NLRC5: variants seen among roughly 807,000 people sequenced by gnomAD.
NLRC5 encodes the protein protein NLRC5.
NLRC5 carries 114 observed loss-of-function variants against 206.9 expected under a neutral mutation model. The ratio of observed to expected loss-of-function variants is 0.55; its 90% CI spans 0.47 to 0.64. The LOEUF (loss-of-function observed/expected upper bound fraction) is 0.64, where lower values mean the gene tolerates loss of function less well. Among genes scored for constraint, NLRC5 ranks in the 30% least tolerant of loss-of-function variants. NLRC5 has a pLI of 0.00. For missense variants in NLRC5, 2,008 were observed against 2,305.5 expected, an observed-to-expected ratio of 0.87 and a Z score of 2.64; for synonymous variants, 952 against 962.8, an observed-to-expected ratio of 0.99 and a Z score of 0.21.
rs545416762 is a variant in NLRC5, at chr16:57,080,429, G to A, written c.5322-669G>A. On this transcript the variant is annotated intron_variant, in intron 46 of 48. Transcript: ENST00000688547. ...TTTTTGTAACTACCTTCTATATGGA[G>A]TCTGTAACACAAGTTTTCCATTGAT... Among the ~76,000 whole-genome samples the A allele has an allele frequency of 2.7e-5, 4 of 150,856 alleles. No homozygotes were observed. The South Asian group carries it at 8.4e-4, about 32-fold the overall frequency.
At position 57,026,205 on chromosome 16, in the gene NLRC5, C is replaced by T. The variant is rs1404670265; in HGVS notation, c.1262C>T (p.Pro421Leu). 1 of 1,613,788 alleles carries T rather than the reference C, an allele frequency of 6.2e-7. No homozygotes were observed. Among genetic ancestry groups the T allele is most frequent in the Admixed American group, 1.7e-5 (1 of 60,032 alleles). ...VACLCLHHLL[P>L]DHAPGQSVAL... ...TGTCTCTGCCTCCACCATCTGCTTC[C>T]TGACCACGCCCCAGGCCAGTCTGTG... The change falls in exon 6 of 49, where the codon CCT becomes CTT. Residue 421 changes from proline to leucine, a missense_variant. Transcript: ENST00000688547.
At chr16:56,994,682 C>T (rs1261306146) in intron 1 of NLRC5, among the ~76,000 whole-genome samples, 2 of 151,766 alleles carry the variant, frequency 1.3e-5, no homozygotes, top group African/African-American at 4.8e-5. Context: ...TGGCAGGGAA[C>T]CATGGGCCAT....
intron 32 of NLRC5, chr16:57,061,983 A>C: frequency 6.8e-7 from 1 of 1,480,826 alleles, no homozygotes; most frequent in South Asian, 1.2e-5. Context: ...TGAGGACAAA[A>C]ATAAACTGAA....
intron 38 of NLRC5, 77 bp downstream of exon 38, chr16:57,070,695 G>C: frequency 8.0e-7 from 1 of 1,255,200 alleles, no homozygotes; most frequent in Non-Finnish European, 1.1e-6. Context: ...GAGTGGTGGG[G>C]TTGGTTAATG....
At chr16:57,072,514 T>C (rs964983300) in intron 38 of NLRC5, among the ~76,000 whole-genome samples, 1 of 152,222 alleles carries the variant, frequency 6.6e-6, no homozygotes, top group Non-Finnish European at 1.5e-5. Flanking sequence ...TGTCTACAGT[T>C]GTTTCCTTGG....
intron 1 of NLRC5, among the ~76,000 whole-genome samples, chr16:56,992,911 G>A (rs2057085807): frequency 6.6e-6 from 1 of 151,858 alleles, no homozygotes; most frequent in African/African-American, 2.4e-5. Flanking sequence ...ATTTTTCATA[G>A]CTAATACATT....
intron 14 of NLRC5, among the ~76,000 whole-genome samples, chr16:57,036,961 C>T (rs1399216516): frequency 6.6e-6 from 1 of 152,028 alleles, no homozygotes; most frequent in East Asian, 1.9e-4. Context: ...GAGGTGAAAA[C>T]ACTGAGTTCT....
chr16:57,067,630 G>C, intron 35 of NLRC5, 106 bp from the exon 36 acceptor site: 1 of 1,355,376 alleles, frequency 7.4e-7, no homozygotes, highest in Non-Finnish European at 1.0e-6. Flanking sequence ...GCTCAGGGGA[G>C]CTCTTGGGTG....
intron 1 of NLRC5, among the ~76,000 whole-genome samples, chr16:56,998,033 C>T (rs2057824795): frequency 6.6e-6 from 1 of 151,812 alleles, no homozygotes; most frequent in Admixed American, 6.6e-5. Context: ...CAGTGAGACC[C>T]AAAACCAAGG....
chr16:57,071,001 G>T (rs1234948889), intron 38 of NLRC5, among the ~76,000 whole-genome samples: 1 of 81,102 alleles, frequency 1.2e-5, no homozygotes, highest in Admixed American at 1.4e-4. Flanking sequence ...ATGGGGAAGG[G>T]TTGTGAGTGA....
chr16:57,053,545 GT>G (rs1487827718), intron 24 of NLRC5, among the ~76,000 whole-genome samples: 1 of 152,044 alleles, frequency 6.6e-6, no homozygotes, highest in Non-Finnish European at 1.5e-5. Flanking sequence ...TTTCTTTTTT[GT>G]GGGGGAGGGT....
At chr16:57,025,331 G>T (rs763395653) in intron 5 of NLRC5, 37 bp from the exon 6 acceptor site, 10 of 1,505,404 alleles carry the variant, frequency 6.6e-6, no homozygotes, top group Non-Finnish European at 8.0e-6. Context: ...GAGGGCCGGG[G>T]GGTCCTCTCC....
intron 10 of NLRC5, 60 bp from the exon 11 acceptor site, chr16:57,031,344 G>T (rs1437443697): frequency 6.4e-7 from 1 of 1,564,504 alleles, no homozygotes; most frequent in Non-Finnish European, 8.8e-7. Context: ...GTGTGCCTGT[G>T]GTGGGTGATG....
intron 46 of NLRC5, 107 bp from the exon 47 acceptor site, chr16:57,080,991 A>G: frequency 2.1e-6 from 2 of 958,408 alleles, no homozygotes; most frequent in South Asian, 3.0e-5. Context: ...TCTCTTGAAA[A>G]CCCTTGCCCC....
At chr16:56,990,502 A>G (rs1015501009) in intron 1 of NLRC5, 2 of 152,226 alleles carry the variant, frequency 1.3e-5, no homozygotes, top group Non-Finnish European at 2.9e-5. Context: ...ATTCTCACCC[A>G]GAAAGCCAGG....
intron 15 of NLRC5, among the ~76,000 whole-genome samples, 198 bp downstream of exon 15, chr16:57,037,482 A>C (rs373276990): frequency 1.3e-5 from 2 of 152,064 alleles, no homozygotes; most frequent in Admixed American, 6.5e-5. Flanking sequence ...CCTCTGGAGA[A>C]CTACCCTTGG....
chr16:57,034,103 G>C, intron 12 of NLRC5, 65 bp from the exon 13 acceptor site: 1 of 1,379,140 alleles, frequency 7.3e-7, no homozygotes, highest in Non-Finnish European at 1.0e-6. Context: ...AGCATTGGAA[G>C]CTGGAGGGGC....
At chr16:57,001,512 G>C (rs1461097751) in intron 1 of NLRC5, among the ~76,000 whole-genome samples, 2 of 152,218 alleles carry the variant, frequency 1.3e-5, no homozygotes, top group African/African-American at 4.8e-5. Context: ...CCTTACACCA[G>C]GCGTCAGGGG....
At chr16:57,047,876 A>C in intron 23 of NLRC5, 1 of 539,982 alleles carries the variant, frequency 1.9e-6, no homozygotes, top group Non-Finnish European at 3.3e-6. Flanking sequence ...TGCACCATCC[A>C]CTCAACTCAG....
Sources: gnomAD v4.1 joint callset for allele counts (sites outside exome capture counted in the v4.1 genomes callset) on GRCh38, gnomAD v4.1.1 for gene constraint, MANE v1.5 for transcripts, NCBI Gene and HGNC (gene_info 2026-07-23, HGNC 2026-07-21) for gene names.